KIAA1217: variants seen among roughly 807,000 people sequenced by gnomAD.
KIAA1217 encodes the protein sickle tail protein homolog.
In KIAA1217, 88 loss-of-function variants were observed where a neutral mutation model predicts 163.9. The ratio of observed to expected loss-of-function variants is 0.54; its 90% CI spans 0.45 to 0.64. The LOEUF (loss-of-function observed/expected upper bound fraction) is 0.64, where lower values mean the gene tolerates loss of function less well. Among genes scored for constraint, KIAA1217 ranks in the 30% least tolerant of loss-of-function variants. The pLI is 0.00. For synonymous variants in KIAA1217, 903 were observed against 923.1 expected (o/e 0.98, Z 0.39); for missense variants, 2,372 against 2,475.0 (o/e 0.96, Z 0.88).
chr10:23,711,048 C>G (rs1837220448), intron 1 of KIAA1217, among the ~76,000 whole-genome samples: 1 of 152,150 alleles, frequency 6.6e-6, no homozygotes. Flanking sequence ...TACTCTTTAT[C>G]TAGATGTGAG....
At chr10:24,447,385 A>T (rs914422033) in intron 5 of KIAA1217, among the ~76,000 whole-genome samples, 1 of 150,000 alleles carries the variant, frequency 6.7e-6, no homozygotes. Context: ...ATGCCTCCCC[A>T]CTCCTCCCAC....
intron 2 of KIAA1217, among the ~76,000 whole-genome samples, chr10:24,301,504 A>C (rs907341684): frequency 1.3e-5 from 2 of 152,166 alleles, no homozygotes; most frequent in Non-Finnish European, 2.9e-5. Flanking sequence ...CATAGTGCTC[A>C]GGGCCCCACG....
intron 1 of KIAA1217, among the ~76,000 whole-genome samples, chr10:23,954,434 G>A (rs10828580): frequency 0.43 from 65,540 of 151,814 alleles, 17,644 homozygotes; most frequent in African/African-American, 0.77. Flanking sequence ...GTGTGGTAAT[G>A]TACATCTGTG....
intron 2 of KIAA1217, among the ~76,000 whole-genome samples, chr10:24,126,871 C>T (rs1313141826): frequency 6.6e-6 from 1 of 151,906 alleles, no homozygotes; most frequent in East Asian, 1.9e-4. Context: ...TCACTGAGAC[C>T]CATTAAGTCC....
intron 1 of KIAA1217, among the ~76,000 whole-genome samples, chr10:23,881,758 T>C (rs553859607): frequency 3.4e-4 from 51 of 152,078 alleles, no homozygotes; most frequent in African/African-American, 1.2e-3. Context: ...GCTCCATGCC[T>C]ACCTCCTGAT....
At chr10:24,252,997 TAAA>T (rs11287032) in intron 2 of KIAA1217, among the ~76,000 whole-genome samples, 2 of 144,062 alleles carry the variant, frequency 1.4e-5, no homozygotes, top group Admixed American at 6.9e-5. Context: ...TACAAATAAT[TAAA>T]AAAAAAAAAA....
At chr10:23,804,306 C>T (rs986422582) in intron 1 of KIAA1217, among the ~76,000 whole-genome samples, 15 of 152,150 alleles carry the variant, frequency 9.9e-5, no homozygotes, top group South Asian at 2.1e-4. Flanking sequence ...GCTGCCAAGC[C>T]GTGAGTACAT....
intron 2 of KIAA1217, among the ~76,000 whole-genome samples, chr10:24,099,440 T>C (rs12240497): frequency 0.089 from 13,416 of 151,050 alleles, 971 homozygotes; most frequent in African/African-American, 0.2. Context: ...CAGTATTTGG[T>C]TTTCTGTCCT....
rs2064959799 is a variant in KIAA1217, at chr10:24,158,095, A to G, written c.-170-61531A>G. On this transcript the variant is annotated intron_variant, in intron 2 of 18. Coordinates refer to the KIAA1217 transcript ENST00000376462. ...CTCATAAAGATAAAAGTGGCGCTCC[A>G]CAAGTTAGAAGTATATATGATGACA... 1.5e-4 allele frequency: 116 copies of G among 755,330 alleles called. 2 individuals carry two copies. Among genetic ancestry groups the G allele is most frequent in the South Asian group, 1.5e-3 (110 of 74,150 alleles). 46.8% of individuals were successfully genotyped at this position (755,330 alleles called of 1,614,324 possible). A position where few individuals can be genotyped will look rare whatever the true frequency, so the allele number is the denominator to read the frequency against.
At chr10:24,046,495 C>A (rs1175833072) in intron 2 of KIAA1217, among the ~76,000 whole-genome samples, 1 of 152,158 alleles carries the variant, frequency 6.6e-6, no homozygotes, top group East Asian at 1.9e-4. Flanking sequence ...GAGGAGGCCT[C>A]AGGAAACTTA....
At chr10:24,292,968 G>A (rs1372230289) in intron 2 of KIAA1217, among the ~76,000 whole-genome samples, 1 of 152,174 alleles carries the variant, frequency 6.6e-6, no homozygotes, top group Non-Finnish European at 1.5e-5. Flanking sequence ...TGAACCAGAA[G>A]GCCAATTTCT....
intron 2 of KIAA1217, among the ~76,000 whole-genome samples, chr10:24,142,204 A>G (rs2064115910): frequency 6.6e-6 from 1 of 152,198 alleles, no homozygotes. Context: ...TTTACAATTG[A>G]AAAAAAGTGG....
intron 1 of KIAA1217, among the ~76,000 whole-genome samples, chr10:23,915,354 T>G (rs1344920032): frequency 2.0e-5 from 3 of 151,716 alleles, no homozygotes; most frequent in Admixed American, 1.3e-4. Context: ...GAGGGAGATG[T>G]GGGGGGGAGG....
At chr10:24,380,046 C>T (rs2053081232) in intron 2 of KIAA1217, among the ~76,000 whole-genome samples, 1 of 151,890 alleles carries the variant, frequency 6.6e-6, no homozygotes, top group Non-Finnish European at 1.5e-5. Context: ...GAATGAAACG[C>T]CATCTCAGAA....
At chr10:23,892,849 C>T (rs1841472822) in intron 1 of KIAA1217, among the ~76,000 whole-genome samples, 1 of 151,790 alleles carries the variant, frequency 6.6e-6, no homozygotes, top group Non-Finnish European at 1.5e-5. Flanking sequence ...ATCAACAAAC[C>T]ACGACCTGGT....
intron 1 of KIAA1217, among the ~76,000 whole-genome samples, chr10:23,932,834 T>A (rs539522242): frequency 6.6e-6 from 1 of 152,322 alleles, no homozygotes; most frequent in East Asian, 1.9e-4. Flanking sequence ...ATCCTGGCCT[T>A]AAATTCCTAC....
intron 1 of KIAA1217, among the ~76,000 whole-genome samples, chr10:23,943,424 T>TA (rs1221908726): frequency 2.0e-5 from 3 of 152,160 alleles, no homozygotes; most frequent in African/African-American, 7.2e-5. Context: ...AAGATGTGAA[T>TA]ACATGTACAC....
At chr10:24,360,150 G>C (rs957535405) in intron 2 of KIAA1217, among the ~76,000 whole-genome samples, 1 of 144,672 alleles carries the variant, frequency 6.9e-6, no homozygotes, top group Non-Finnish European at 1.5e-5. Context: ...GGGTTCAAGC[G>C]ATTCTTGTGC....
At chr10:24,063,915 A>G (rs1297338726) in intron 2 of KIAA1217, among the ~76,000 whole-genome samples, 2 of 152,136 alleles carry the variant, frequency 1.3e-5, no homozygotes, top group African/African-American at 4.8e-5. Flanking sequence ...TGTGAATGGG[A>G]GTTCACTCAT....
Sources: allele counts gnomAD v4.1 joint callset (sites outside exome capture counted in the v4.1 genomes callset), GRCh38; gene constraint gnomAD v4.1.1; transcripts MANE v1.5; gene names NCBI Gene and HGNC (gene_info 2026-07-23, HGNC 2026-07-21).